Variants in AKR1C2 observed in about 807,000 individuals in gnomAD.
AKR1C2 encodes the protein aldo-keto reductase family 1 member C2.
AKR1C2 carries 27 observed loss-of-function variants against 39.8 expected under a neutral mutation model. The ratio of observed to expected loss-of-function variants is 0.68; its 90% CI spans 0.50 to 0.93. The LOEUF is 0.93. AKR1C2 is among the 40% of genes least tolerant of loss of function. The pLI is 0.00. For synonymous variants in AKR1C2, 114 were observed against 137.9 expected (o/e 0.83, Z 1.22); for missense variants, 263 against 365.1 (o/e 0.72, Z 2.28).
upstream of AKR1C2, among the ~76,000 whole-genome samples, chr10:5,006,918 C>T (rs1414249918): frequency 4.0e-5 from 6 of 151,212 alleles, no homozygotes; most frequent in South Asian, 2.1e-4. Context: ...GGACTACAGG[C>T]GTGCACAACC....
At chr10:5,008,741 T>C (rs1171155545), upstream of AKR1C2, among the ~76,000 whole-genome samples, 1 of 152,234 alleles carries the variant, frequency 6.6e-6, no homozygotes, top group African/African-American at 2.4e-5. Context: ...CTCAAGTAAA[T>C]AAATGATCCT....
intron 8 of AKR1C2, among the ~76,000 whole-genome samples, chr10:4,991,135 A>G (rs1378521594): frequency 6.6e-6 from 1 of 150,608 alleles, no homozygotes; most frequent in Non-Finnish European, 1.5e-5. Flanking sequence ...ATTATCTCCA[A>G]TAATGGTGCT....
intron 3 of AKR1C2, 41 bp downstream of exon 3, chr10:5,000,509 A>G: frequency 1.9e-6 from 3 of 1,613,494 alleles, no homozygotes; most frequent in Non-Finnish European, 2.5e-6. Flanking sequence ...ATTTATGCTG[A>G]GAACAAAAGT....
chr10:5,006,883 C>T (rs531451848), upstream of AKR1C2, among the ~76,000 whole-genome samples: 2 of 151,662 alleles, frequency 1.3e-5, no homozygotes, highest in East Asian at 3.9e-4. Flanking sequence ...AAGCAATTCT[C>T]CTGCCTCAGC....
intron 4 of AKR1C2, among the ~76,000 whole-genome samples, 173 bp from the exon 5 acceptor site, chr10:4,998,920 G>T (rs1451282898): frequency 7.9e-5 from 12 of 152,294 alleles, no homozygotes; most frequent in African/African-American, 2.6e-4. Context: ...GATAGTGATT[G>T]CAAGAGTGAG....
upstream of AKR1C2, chr10:5,006,323 CCAGA>C (rs1450190028): frequency 2.0e-5 from 3 of 152,136 alleles, no homozygotes; most frequent in Non-Finnish European, 4.4e-5. Flanking sequence ...ACTCTAAAAG[CCAGA>C]CAAAGAGATA....
At chr10:5,012,983 C>A (rs1554775033) in intron 1 of AKR1C2, among the ~76,000 whole-genome samples, 1 of 152,176 alleles carries the variant, frequency 6.6e-6, no homozygotes. Flanking sequence ...ACTTCTGTAT[C>A]TAATTCTTCT....
intron 8 of AKR1C2, among the ~76,000 whole-genome samples, chr10:4,991,169 A>T (rs782496165): frequency 2.0e-5 from 3 of 151,268 alleles, no homozygotes; most frequent in Non-Finnish European, 2.9e-5. Context: ...TCTGCATTTG[A>T]TTTTAACACT....
intron 1 of AKR1C2, among the ~76,000 whole-genome samples, chr10:5,002,285 A>T (rs1837297315): frequency 6.6e-6 from 1 of 152,196 alleles, no homozygotes; most frequent in Non-Finnish European, 1.5e-5. Flanking sequence ...GAAACCCCAC[A>T]GTTTACACAA....
At position 5,010,681 on chromosome 10, in the gene AKR1C2, T is replaced by C. The variant is rs561543023; in HGVS notation, c.-87-6759A>G. 3.3e-5 allele frequency: 5 copies of C among 152,328 alleles called. No homozygotes were observed. In the South Asian group the frequency reaches 8.3e-4, roughly 25 times the overall value. The allele number at this position is 152,328 out of a possible 1,614,324, so 9.4% of individuals were successfully genotyped here. Reference sequence around the variant, plus strand: ...GTAGTTCATGCCAAGGGCAAGGGAATAAACATGAGTGACCTTAGCAAAGCT... The same window carrying C: ...GTAGTTCATGCCAAGGGCAAGGGAACAAACATGAGTGACCTTAGCAAAGCT... On this transcript the variant is annotated intron_variant, in intron 1 of 6. Transcript: ENST00000604507.
intron 1 of AKR1C2, chr10:5,014,850 A>C (rs782098100): frequency 6.6e-6 from 1 of 152,226 alleles, no homozygotes; most frequent in African/African-American, 2.4e-5. Context: ...CTCTGTGTGC[A>C]TGGGCTATCA....
At chr10:4,993,040 A>G (rs1836896435) in intron 7 of AKR1C2, among the ~76,000 whole-genome samples, 1 of 152,226 alleles carries the variant, frequency 6.6e-6, no homozygotes, top group Admixed American at 6.5e-5. Context: ...GGATATTCAT[A>G]TTATGATCAT....
chr10:5,017,222 C>A (rs575341198), intron 1 of AKR1C2, among the ~76,000 whole-genome samples: 3 of 152,346 alleles, frequency 2.0e-5, no homozygotes, highest in Non-Finnish European at 4.4e-5. Flanking sequence ...AATTCTTCCT[C>A]AGAAAATAAT....
intron 1 of AKR1C2, among the ~76,000 whole-genome samples, chr10:5,016,972 T>G (rs1450196761): frequency 6.6e-6 from 1 of 152,210 alleles, no homozygotes; most frequent in Non-Finnish European, 1.5e-5. Context: ...TCTGAGGCCC[T>G]TTTAGCCATG....
chr10:5,016,002 G>T (rs1274450794), intron 1 of AKR1C2: 5 of 152,060 alleles, frequency 3.3e-5, no homozygotes, highest in East Asian at 3.9e-4. Flanking sequence ...CTAGATCTCA[G>T]GAGAACCATA....
intron 1 of AKR1C2, among the ~76,000 whole-genome samples, chr10:5,011,039 C>CAA (rs35486838): frequency 0.015 from 2,123 of 140,508 alleles, 41 homozygotes; most frequent in Admixed American, 0.06. Context: ...TTCTGTAAAG[C>CAA]AAAAAAAAAA....
At chr10:5,004,097 T>C, upstream of AKR1C2, 1 of 347,084 alleles carries the variant, frequency 2.9e-6, no homozygotes, top group Non-Finnish European at 5.2e-6. Flanking sequence ...ATTCCAGATC[T>C]CTATATATGA....
intron 5 of AKR1C2, among the ~76,000 whole-genome samples, chr10:4,997,685 A>C (rs1302330265): frequency 6.6e-6 from 1 of 152,184 alleles, no homozygotes; most frequent in Non-Finnish European, 1.5e-5. Context: ...TAGTATTAAA[A>C]CCACATTAAT....
In AKR1C2 at chr10:5,000,612, G is replaced by T. The variant is rs1207452484; in HGVS notation, c.307C>A (p.Leu103Met). ...ACATAGTCCAATTGAAGATTTTTCA[G>T]TGACCTTTCCAAGGCTGGTCGGACC... ...ELVRPALERS[L>M]KNLQLDYVDL... is the part of the protein sequence containing the mutation. The change falls in exon 3 of 9, where the codon CTG becomes ATG. Residue 103 changes from leucine to methionine, a missense_variant. Leu to Met is a conservative substitution (Grantham distance 15). This residue lies in a region of AKR1C2 where 247 missense variants were observed against 267.9 expected (regional missense o/e 0.92). Transcript: ENST00000380753. 6.2e-7 allele frequency: 1 copy of T among 1,614,058 alleles called. No individual in the cohort carries two copies. The highest frequency in any genetic ancestry group is 2.2e-5 in the East Asian group (1 of 44,876).
Sources: gnomAD v4.1 joint callset for allele counts (sites outside exome capture counted in the v4.1 genomes callset) on GRCh38, gnomAD v4.1.1 for gene constraint, gnomAD v4.1.1 regional missense constraint, MANE v1.5 for transcripts, NCBI Gene and HGNC (gene_info 2026-07-23, HGNC 2026-07-21) for gene names.